The following PCDHGB5 variants were observed in gnomAD, a reference collection of about 807,000 sequenced individuals.
The protein encoded by PCDHGB5 is protocadherin gamma subfamily B, 5, also known as protocadherin gamma-B5.
In PCDHGB5, 48 loss-of-function variants were observed where a neutral mutation model predicts 62.9. That is an observed-to-expected ratio of 0.76 (90% CI 0.61 to 0.97). The LOEUF (loss-of-function observed/expected upper bound fraction) is 0.97. PCDHGB5 is among the 50% of genes least tolerant of loss of function. The probability of loss-of-function intolerance (pLI) is 0.00; values close to 1 mark genes in which losing one functional copy is unlikely to be tolerated. For missense variants in PCDHGB5, 1,118 were observed against 1,198.6 expected (o/e 0.93, Z 0.99); for synonymous variants, 474 against 511.2 (o/e 0.93, Z 0.98).
At chr5:141,505,576 T>C in intron 3 of PCDHGB5, 95 bp downstream of exon 3, 5 of 1,590,334 alleles carry the variant, frequency 3.1e-6, no homozygotes, top group Admixed American at 1.7e-5. Context: ...ATGTCAAACC[T>C]GTGTAGTTTC....
At chr5:141,484,750 GTA>G (rs545232987) in intron 1 of PCDHGB5, among the ~76,000 whole-genome samples, 18 of 149,824 alleles carry the variant, frequency 1.2e-4, no homozygotes, top group Admixed American at 4.7e-4. Flanking sequence ...GAAAAAAAAT[GTA>G]TATATATATA....
intron 1 of PCDHGB5, chr5:141,475,983 C>A: frequency 9.5e-7 from 1 of 1,049,244 alleles, no homozygotes; most frequent in Non-Finnish European, 1.4e-6. Context: ...GAACAGCCGG[C>A]GAGCAAATCA....
rs1688094877 is a variant in PCDHGB5 at position 141,432,625 on chromosome 5, C to T, written c.2397+32101C>T. 1.2e-6 allele frequency: 2 copies of T among 1,613,240 alleles called. No individual in the cohort carries two copies. The highest frequency in any genetic ancestry group is 1.7e-6 in the Non-Finnish European group (2 of 1,179,778). ...CGGGACTCTTCTCGGTGGGTCTGCA[C>T]ACGGGCGAGGTGCGCACGGCGCGAG... On this transcript the variant is annotated intron_variant, in intron 1 of 3. Coordinates refer to ENST00000617380, the MANE Select transcript of PCDHGB5 (RefSeq NM_018925.3). The surrounding 1 kb of genome is among the most constrained non-coding windows in gnomAD (Gnocchi z 6.0).
In PCDHGB5 at chr5:141,476,335, C is replaced by A; in HGVS notation, c.2398-18472C>A. On this transcript the variant is annotated intron_variant, in intron 1 of 3. Coordinates refer to ENST00000617380, the MANE Select transcript of PCDHGB5 (RefSeq NM_018925.3). The surrounding 1 kb of genome is among the most constrained non-coding windows in gnomAD (Gnocchi z 7.6). Reference sequence around the variant, plus strand: ...GGTTCCGGGTGGTGTCTGGAGCTAGCCGAAGATTCTTTGAGGTGAACCGGG... The same window carrying A: ...GGTTCCGGGTGGTGTCTGGAGCTAGACGAAGATTCTTTGAGGTGAACCGGG... 2 of 1,614,120 alleles carry A rather than the reference C, an allele frequency of 1.2e-6. No individual in the cohort carries two copies. Among genetic ancestry groups the A allele is most frequent in the Non-Finnish European group, 1.7e-6 (2 of 1,180,026 alleles).
At chr5:141,410,404 G>A (rs79498912) in intron 1 of PCDHGB5, 32,650 of 1,614,014 alleles carry the variant, frequency 0.02, 588 homozygotes, top group African/African-American at 0.088. Context: ...TCTGTGTCAA[G>A]TCTGGACCTG....
chr5:141,506,584 G>A (rs1413313164), intron 3 of PCDHGB5, among the ~76,000 whole-genome samples: 1 of 152,098 alleles, frequency 6.6e-6, no homozygotes, highest in African/African-American at 2.4e-5. Context: ...ACTATTAATG[G>A]GCACAGTATT....
intron 1 of PCDHGB5, among the ~76,000 whole-genome samples, chr5:141,454,658 G>T (rs961640658): frequency 1.3e-5 from 2 of 151,812 alleles, no homozygotes; most frequent in Non-Finnish European, 2.9e-5. Flanking sequence ...TGCCCACCTC[G>T]GCCTCCCAAA....
intron 1 of PCDHGB5, among the ~76,000 whole-genome samples, chr5:141,480,216 C>T (rs1055544952): frequency 1.9e-4 from 28 of 147,036 alleles, no homozygotes; most frequent in Non-Finnish European, 3.6e-4. Flanking sequence ...CCAGCCTGAG[C>T]GACATAGTGA....
intron 1 of PCDHGB5, chr5:141,412,993 G>T (rs1401025160): frequency 1.2e-5 from 7 of 574,186 alleles, no homozygotes; most frequent in Non-Finnish European, 1.8e-5. Context: ...GCTCAATCCG[G>T]ATTCTCAGGG....
intron 1 of PCDHGB5, among the ~76,000 whole-genome samples, chr5:141,429,654 T>C (rs1373502548): frequency 6.6e-6 from 1 of 152,232 alleles, no homozygotes; most frequent in Non-Finnish European, 1.5e-5. Context: ...TTCTTCCCAA[T>C]TTAAAATATA....
chr5:141,428,145 A>G (rs748256830), intron 1 of PCDHGB5: 10 of 1,592,574 alleles, frequency 6.3e-6, no homozygotes, highest in African/African-American at 1.3e-5. Context: ...GGGGCTGCAC[A>G]CGGGAACCTG....
chr5:141,478,364 G>A (rs1382073187), intron 1 of PCDHGB5: 2 of 1,613,660 alleles, frequency 1.2e-6, no homozygotes, highest in African/African-American at 2.7e-5. Flanking sequence ...CGTGCGGGGA[G>A]GCCTGATGTC....
At chr5:141,501,866 C>T (rs1193396289) in intron 2 of PCDHGB5, among the ~76,000 whole-genome samples, 4 of 152,108 alleles carry the variant, frequency 2.6e-5, no homozygotes, top group South Asian at 2.1e-4. Context: ...TTTCCCAGGA[C>T]GCCTCCTTAC....
intron 2 of PCDHGB5, among the ~76,000 whole-genome samples, chr5:141,500,311 C>T (rs2099799036): frequency 2.0e-5 from 3 of 152,072 alleles, no homozygotes; most frequent in African/African-American, 7.2e-5. Context: ...CAGGTTCACG[C>T]CATGCTCCTG....
At chr5:141,427,198 T>G (rs1345851173) in intron 1 of PCDHGB5, 1 of 456,584 alleles carries the variant, frequency 2.2e-6, no homozygotes, top group African/African-American at 2.0e-5. Flanking sequence ...AAAGACTTAA[T>G]AGACTTCGAA....
At position 141,473,299 on chromosome 5, in the gene PCDHGB5, G is replaced by A. The variant is rs182316672; in HGVS notation, c.2398-21508G>A. The stretch of plus-strand genomic sequence containing the variant: ...TATTTTACTATGTCAGTAGCATAAA[G>A]ATTGCTATATTAATAAGCATTAAGT... On this transcript the variant is annotated intron_variant, in intron 1 of 3. Coordinates refer to ENST00000617380, the MANE Select transcript of PCDHGB5 (RefSeq NM_018925.3). 5.6e-4 allele frequency among the ~76,000 whole-genome samples: 86 copies of A among 152,346 alleles called. 1 individual carries two copies. The highest frequency in any genetic ancestry group is 1.9e-3 in the African/African-American group (81 of 41,572).
intron 1 of PCDHGB5, chr5:141,416,685 A>T (rs1292141199): frequency 1.3e-5 from 2 of 152,384 alleles, no homozygotes; most frequent in East Asian, 3.9e-4. Flanking sequence ...AAGGGAAATT[A>T]TATAAACAAA....
chr5:141,452,641 CT>C (rs1351640847), intron 1 of PCDHGB5, among the ~76,000 whole-genome samples: 3 of 151,934 alleles, frequency 2.0e-5, no homozygotes, highest in Admixed American at 1.3e-4. Flanking sequence ...AATATATTTA[CT>C]CATTTGCTCC....
chr5:141,485,340 C>A lies in PCDHGB5; in HGVS notation c.2398-9467C>A. 1 of 1,614,076 alleles carries A rather than the reference C, an allele frequency of 6.2e-7. No individual in the cohort carries two copies. On this transcript the variant is annotated intron_variant, in intron 1 of 3. Transcript: ENST00000617380. The surrounding 1 kb of genome is among the most constrained non-coding windows in gnomAD (Gnocchi z 5.7). ...GTCGCTCAAGATTTCCTGCTGGATA[C>A]GGACAGTCTGTCAGCTCGCAGGCTG...
Sources: gnomAD v4.1 joint callset for allele counts (sites outside exome capture counted in the v4.1 genomes callset) on GRCh38, gnomAD v4.1.1 for gene constraint, Gnocchi (gnomAD v3.1) non-coding constraint, MANE v1.5 for transcripts, NCBI Gene and HGNC (gene_info 2026-07-23, HGNC 2026-07-21) for gene names.